DOK7: variants seen among roughly 807,000 people sequenced by gnomAD.
DOK7 encodes the protein protein Dok-7.
In DOK7, 32 loss-of-function variants were observed where a neutral mutation model predicts 30.7. The ratio of observed to expected loss-of-function variants is 1.04; its 90% CI spans 0.79 to 1.40. The LOEUF is 1.40. Among genes scored for constraint, DOK7 ranks in the 40% most tolerant of loss-of-function variants. The pLI is 0.00. For synonymous variants in DOK7, 447 were observed against 324.1 expected, an observed-to-expected ratio of 1.38 and a Z score of -4.07; for missense variants, 1,007 against 699.2, an observed-to-expected ratio of 1.44 and a Z score of -4.97.
chr4:3,481,651 C>A (rs966321078), intron 4 of DOK7, among the ~76,000 whole-genome samples: 3 of 152,130 alleles, frequency 2.0e-5, no homozygotes, highest in African/African-American at 7.2e-5. Context: ...CCTGCCCATG[C>A]CTACCTGGCA....
At chr4:3,499,025 T>C (rs922488356), downstream of DOK7, among the ~76,000 whole-genome samples, 6 of 152,198 alleles carry the variant, frequency 3.9e-5, no homozygotes, top group Admixed American at 2.0e-4. Flanking sequence ...TCCTCACCCC[T>C]AGCCCTGCTG....
rs751582204 is a variant in DOK7, at chr4:3,492,723, C to A, written c.773-36C>A. ...GCCACGTCCTGCCCAGACCCCTGTA[C>A]CCCCACAACTGCCTTGGCTTCCTGC... On this transcript the variant is annotated intron_variant, in intron 6 of 6. Coordinates refer to ENST00000340083, the MANE Select transcript of DOK7 (RefSeq NM_173660.5). 77 of 648,358 alleles carry A rather than the reference C, an allele frequency of 1.2e-4. 2 individuals are homozygous for A. In the Middle Eastern group the frequency reaches 1.2e-3, roughly 10 times the overall value. 40.2% of individuals were successfully genotyped at this position (648,358 alleles called of 1,614,324 possible). A position where few individuals can be genotyped will look rare whatever the true frequency, so the allele number is the denominator to read the frequency against.
chr4:3,489,792 T>A lies in DOK7; in HGVS notation c.768T>A (p.Ser256Arg). Reference protein sequence around the residue: ...SLLSHAGRPGSGGDDRSLSSS... With the variant: ...SLLSHAGRPGRGGDDRSLSSS... ...TCTCACATGCGGGCAGGCCGGGCAG[T>A]GGAGGTAGGGCCGGGGGCTGACCTG... Residue 256 changes from serine to arginine, a missense_variant, in exon 6 of 7, where the codon AGT becomes AGA. Coordinates refer to ENST00000340083, the MANE Select transcript of DOK7 (RefSeq NM_173660.5). The A allele has an allele frequency of 2.5e-6, 4 of 1,573,784 alleles. No individual in the cohort carries two copies. The highest frequency in any genetic ancestry group is 3.5e-6 in the Non-Finnish European group (4 of 1,159,334).
intron 4 of DOK7, among the ~76,000 whole-genome samples, chr4:3,480,077 G>A (rs1034435154): frequency 4.6e-5 from 7 of 152,314 alleles, no homozygotes; most frequent in East Asian, 3.9e-4. Flanking sequence ...CAGCACAGAC[G>A]GTGGTGGGCC....
intron 2 of DOK7, 57 bp from the exon 3 acceptor site, chr4:3,473,349 C>G: frequency 6.3e-7 from 1 of 1,579,622 alleles, no homozygotes; most frequent in Non-Finnish European, 8.6e-7. Context: ...CCCGGGGACG[C>G]CAAGGGTGCG....
intron 4 of DOK7, among the ~76,000 whole-genome samples, chr4:3,482,217 G>A (rs970495860): frequency 1.3e-5 from 2 of 152,170 alleles, no homozygotes; most frequent in South Asian, 2.1e-4. Context: ...CACACCTAGC[G>A]GCTGGCGGCT....
rs146277586 is a variant in DOK7 at position 3,485,579 on chromosome 4, G to C, written c.573G>C (p.Gln191His). 1.2e-6 allele frequency: 2 copies of C among 1,608,224 alleles called. No individual in the cohort carries two copies. The highest frequency in any genetic ancestry group is 1.7e-6 in the Non-Finnish European group (2 of 1,177,084). ...TCCTGTCCTCGGCCGAGGGGGAGCAGATCAGCTTCCTGTTCGACTGCATCG... is the reference window on the plus strand; with the variant it reads ...TCCTGTCCTCGGCCGAGGGGGAGCACATCAGCTTCCTGTTCGACTGCATCG... ...VFFLSSAEGE[Q>H]ISFLFDCIVR... The change falls in exon 5 of 7, where the codon CAG (glutamine) becomes CAC (histidine). Residue 191 changes from glutamine (Q) to histidine (H), a missense_variant. Coordinates refer to ENST00000340083, the MANE Select transcript of DOK7 (RefSeq NM_173660.5).
At position 3,488,728 on chromosome 4, in the gene DOK7, TGGAGGCCCAGA is replaced by T. The variant is rs563407515; in HGVS notation, c.653-941_653-931del. ...AAGGTGGGTGTCAGGAGGTGTGTTCTGGAGGCCCAGAGGAGGCCACTTGGAGCAGGACGGGG... is the reference window on the plus strand; with the variant it reads ...AAGGTGGGTGTCAGGAGGTGTGTTCTGGAGGCCACTTGGAGCAGGACGGGG... On this transcript the variant is annotated intron_variant, in intron 5 of 6. Coordinates refer to ENST00000340083, the MANE Select transcript of DOK7 (RefSeq NM_173660.5). 5.5e-3 allele frequency among the ~76,000 whole-genome samples: 835 copies of T among 151,916 alleles called. 11 individuals are homozygous for T. Among genetic ancestry groups the T allele is most frequent in the African/African-American group, 0.019 (802 of 41,180 alleles).
chr4:3,493,816 T>C lies in DOK7; in HGVS notation c.*315T>C. The C allele has an allele frequency of 7.9e-7, 1 of 1,258,960 alleles. No individual in the cohort carries two copies. The highest frequency in any genetic ancestry group is 1.0e-6 in the Non-Finnish European group (1 of 1,000,130). The allele number at this position is 1,258,960 out of a possible 1,614,324, so 78.0% of individuals were successfully genotyped here. The stretch of plus-strand genomic sequence containing the variant: ...TGAGTGCTGCACCTCTGTTGGCTCG[T>C]GCCTTGCACTGGGGTGCCAAGGGCT... On this transcript the variant is annotated 3_prime_UTR_variant, in exon 7 of 7. Coordinates refer to ENST00000340083, the MANE Select transcript of DOK7 (RefSeq NM_173660.5).
At chr4:3,490,635 CTG>C in intron 6 of DOK7, among the ~76,000 whole-genome samples, 1 of 128,716 alleles carries the variant, frequency 7.8e-6, no homozygotes, top group Non-Finnish European at 1.6e-5. Context: ...CCCTCTCCGC[CTG>C]CTCGTTCATT....
intron 4 of DOK7, among the ~76,000 whole-genome samples, chr4:3,478,631 C>G (rs1172848768): frequency 1.1e-5 from 1 of 90,526 alleles, no homozygotes; most frequent in Non-Finnish European, 2.2e-5. Context: ...CAGCTCAGTG[C>G]TGAATGTTCT....
At chr4:3,500,949 C>A (rs1729157632) in exon 8 of DOK7, 2 of 1,379,788 alleles carry the variant, frequency 1.4e-6, no homozygotes, top group Admixed American at 5.8e-5. Flanking sequence ...CAGGAGCAGG[C>A]ATGGCCGGTC....
intron 4 of DOK7, among the ~76,000 whole-genome samples, chr4:3,476,950 G>A (rs1727131688): frequency 6.6e-6 from 1 of 152,252 alleles, no homozygotes; most frequent in Non-Finnish European, 1.5e-5. Flanking sequence ...AATTCCTGGT[G>A]GACATGCCAG....
intron 2 of DOK7, among the ~76,000 whole-genome samples, chr4:3,470,798 G>A (rs947622706): frequency 6.6e-5 from 10 of 152,210 alleles, no homozygotes; most frequent in African/African-American, 1.9e-4. Context: ...GGGTGACGTC[G>A]GGCTCTTTAC....
exon 8 of DOK7, chr4:3,500,747 C>A (rs1375705398): frequency 1.3e-6 from 2 of 1,535,414 alleles, no homozygotes; most frequent in Admixed American, 3.9e-5. Context: ...AGACGGCGCA[C>A]AGAGTGGGGG....
chr4:3,501,248 C>A (rs1190967035), exon 8 of DOK7: 9 of 176,814 alleles, frequency 5.1e-5, no homozygotes, highest in African/African-American at 2.1e-4. Flanking sequence ...ATGCTCATCC[C>A]TTCACCTGGG....
At chr4:3,467,379 G>T (rs1172592531) in intron 2 of DOK7, among the ~76,000 whole-genome samples, 1 of 149,292 alleles carries the variant, frequency 6.7e-6, no homozygotes, top group African/African-American at 2.5e-5. Flanking sequence ...CCAGAAGCCT[G>T]CGTCCAACTG....
chr4:3,493,065 T>G lies in DOK7; in HGVS notation c.1079T>G (p.Leu360Arg), dbSNP rs1560232865. 2 of 1,575,746 alleles carry G rather than the reference T, an allele frequency of 1.3e-6. No homozygotes were observed. Among genetic ancestry groups the G allele is most frequent in the South Asian group, 2.3e-5 (2 of 87,294 alleles). The change falls in exon 7 of 7, where the codon CTG becomes CGG. Residue 360 changes from leucine (L) to arginine (R), a missense_variant. Leu to Arg is a moderately radical substitution (Grantham distance 102). Coordinates refer to ENST00000340083, the MANE Select transcript of DOK7 (RefSeq NM_173660.5). ...SSLSSYAGSSLDVWRATDELG... is the reference protein window; with the variant it reads ...SSLSSYAGSSRDVWRATDELG... The stretch of plus-strand genomic sequence containing the variant: ...CTCTCGTCCTACGCGGGCAGCAGCC[T>G]GGACGTGTGGCGGGCCACAGATGAA...
At chr4:3,469,006 GTGTA>G (rs1560206624) in intron 2 of DOK7, among the ~76,000 whole-genome samples, 1 of 149,262 alleles carries the variant, frequency 6.7e-6, no homozygotes, top group African/African-American at 2.5e-5. Flanking sequence ...GTGAGTGTGC[GTGTA>G]TGAGTGTGTG....
Sources: allele counts gnomAD v4.1 joint callset (sites outside exome capture counted in the v4.1 genomes callset), GRCh38; gene constraint gnomAD v4.1.1; transcripts MANE v1.5; gene names NCBI Gene and HGNC (gene_info 2026-07-23, HGNC 2026-07-21).